The following CFAP47 variants were observed in gnomAD, a reference collection of about 807,000 sequenced individuals.
The protein encoded by CFAP47 is cilia and flagella associated protein 47, also known as cilia- and flagella-associated protein 47.
CFAP47 carries 29 observed loss-of-function variants against 148.1 expected under a neutral mutation model. The observed-to-expected ratio is 0.20, with a 90% CI of 0.15 to 0.27. The LOEUF (loss-of-function observed/expected upper bound fraction) is 0.27, where lower values mean the gene tolerates loss of function less well. Ranked by LOEUF, CFAP47 falls within the 10% of genes least tolerant of loss-of-function variation. The probability of loss-of-function intolerance (pLI) is 1.00; values close to 1 mark genes in which losing one functional copy is unlikely to be tolerated. For synonymous variants in CFAP47, 664 were observed against 577.3 expected (o/e 1.15, Z -2.15); for missense variants, 1,872 against 1,697.5 (o/e 1.10, Z -1.81).
In CFAP47 at chrX:36,275,592, G is replaced by T. The variant is rs182422011; in HGVS notation, c.7445-4895G>T. On this transcript the variant is annotated intron_variant, in intron 49 of 63. Transcript: ENST00000378653. ...TTTACTATGTTGCTGAATTCAGTAT[G>T]CCAGTGTTTTGTTGAGGATTTCTGC... is the stretch of plus-strand genomic sequence containing the variant. Among the ~76,000 whole-genome samples the T allele has an allele frequency of 6.4e-3, 704 of 110,794 alleles. 1 individual carries two copies. Among genetic ancestry groups the T allele is most frequent in the African/African-American group, 0.022 (676 of 30,416 alleles).
chrX:36,368,057 A>G (rs968149108), intron 62 of CFAP47: 2 of 111,345 alleles, frequency 1.8e-5, no homozygotes, highest in Non-Finnish European at 3.8e-5. Flanking sequence ...GCAAGGCTTT[A>G]TAGATAGGAT....
chrX:35,970,436 C>A lies in CFAP47; in HGVS notation c.1815-332C>A, dbSNP rs768205977. Among the ~76,000 whole-genome samples, 10 of 111,091 alleles carry A rather than the reference C, an allele frequency of 9.0e-5. No homozygotes were observed. The South Asian group carries it at 3.8e-3, about 42-fold the overall frequency. The stretch of plus-strand genomic sequence containing the variant: ...TAGGAAACACTAGTCAGATACAGAT[C>A]TAGTTTCTTGGAGTCTTGTCTGTAA... On this transcript the variant is annotated intron_variant, in intron 10 of 63. Coordinates refer to ENST00000378653, the MANE Select transcript of CFAP47 (RefSeq NM_001304548.2).
At chrX:36,320,609 T>TA (rs1556011855) in intron 57 of CFAP47, among the ~76,000 whole-genome samples, 1 of 112,237 alleles carries the variant, frequency 8.9e-6, no homozygotes, top group Admixed American at 9.5e-5. Flanking sequence ...TGCAATGCAT[T>TA]AAAAAGAGTA....
At position 36,073,285 on chromosome X, in the gene CFAP47, A is replaced by G; in HGVS notation, c.4612A>G (p.Asn1538Asp). 1 of 1,210,376 alleles carries G rather than the reference A, an allele frequency of 8.3e-7. No homozygotes were observed. The highest frequency in any genetic ancestry group is 1.8e-5 in the South Asian group (1 of 56,919). ...ACACTACTTTTTTGAGAAGGTTGTA[A>G]ATGCAGCACAGACCTGGTTCAGTCT... ...KAHYFFEKVV[N>D]AAQTWFSLFG... Residue 1538 changes from asparagine (N) to aspartate (D), a missense_variant, in exon 29 of 64, where the codon AAT becomes GAT. By Grantham distance (23) the Asn-to-Asp change is conservative. Coordinates refer to ENST00000378653, the MANE Select transcript of CFAP47 (RefSeq NM_001304548.2).
intron 30 of CFAP47, among the ~76,000 whole-genome samples, chrX:36,092,153 A>C (rs979932420): frequency 6.3e-4 from 70 of 111,799 alleles, no homozygotes; most frequent in Non-Finnish European, 3.6e-4. Flanking sequence ...AAATATGTAC[A>C]TACATAGGCT....
At chrX:36,264,074 GA>G (rs1224633780) in intron 49 of CFAP47, among the ~76,000 whole-genome samples, 1 of 112,004 alleles carries the variant, frequency 8.9e-6, no homozygotes, top group Non-Finnish European at 1.9e-5. Flanking sequence ...CTAGGGCCTA[GA>G]ATGGGATCCT....
chrX:36,099,697 A>G (rs1938340369), intron 31 of CFAP47, 54 bp from the exon 32 acceptor site: 3 of 541,553 alleles, frequency 5.5e-6, no homozygotes, highest in Non-Finnish European at 9.0e-6. Context: ...AAAAACTCAT[A>G]TGCTAAATTT....
chrX:36,255,847 A>G (rs1288644457), intron 49 of CFAP47, among the ~76,000 whole-genome samples: 2 of 111,571 alleles, frequency 1.8e-5, no homozygotes, highest in Non-Finnish European at 3.8e-5. Context: ...GCCTAGTTCT[A>G]TCTCGACTTC....
intron 27 of CFAP47, among the ~76,000 whole-genome samples, chrX:36,068,955 TAAAAAAA>T (rs113537853): frequency 1.1e-5 from 1 of 87,182 alleles, no homozygotes; most frequent in Non-Finnish European, 2.3e-5. Context: ...ACTCCTCAAT[TAAAAAAA>T]AAAAAAAAAG....
At chrX:35,975,409 T>G in intron 14 of CFAP47, 46 bp downstream of exon 14, 1 of 817,763 alleles carries the variant, frequency 1.2e-6, no homozygotes, top group Non-Finnish European at 1.8e-6. Flanking sequence ...CAAAGTGTAC[T>G]TCTGTAGAAT....
At chrX:36,127,487 G>A (rs1008660734) in intron 33 of CFAP47, among the ~76,000 whole-genome samples, 1 of 111,394 alleles carries the variant, frequency 9.0e-6, no homozygotes, top group East Asian at 2.8e-4. Context: ...TGCTGTTTTG[G>A]TTACTGCAGC....
rs184880858 is a variant in CFAP47, at chrX:36,369,254, A to T, written c.9185+2127A>T. 6.4e-3 allele frequency among the ~76,000 whole-genome samples: 703 copies of T among 110,642 alleles called. 6 individuals are homozygous for T. Among genetic ancestry groups the T allele is most frequent in the Admixed American group, 0.025 (257 of 10,260 alleles). On this transcript the variant is annotated intron_variant, in intron 62 of 63. Transcript: ENST00000378653. ...GTATGAAAAACACATTCAAAATATA[A>T]AAAAAAACAAACTCTGACTCTTCTG... is the stretch of plus-strand genomic sequence containing the variant.
intron 22 of CFAP47, among the ~76,000 whole-genome samples, chrX:36,030,025 C>G (rs1937263266): frequency 9.1e-6 from 1 of 109,986 alleles, no homozygotes; most frequent in South Asian, 3.7e-4. Context: ...TTATTTCTTC[C>G]TTTATGTCTC....
chrX:36,005,604 T>C, intron 21 of CFAP47, among the ~76,000 whole-genome samples: 1 of 112,026 alleles, frequency 8.9e-6, no homozygotes, highest in Non-Finnish European at 1.9e-5. Flanking sequence ...ATGTAGGTTA[T>C]TTAACTATGT....
intron 30 of CFAP47, among the ~76,000 whole-genome samples, chrX:36,095,282 T>C (rs1468959034): frequency 9.0e-6 from 1 of 111,673 alleles, no homozygotes; most frequent in Non-Finnish European, 1.9e-5. Context: ...TTGCTGAATT[T>C]GGTTTGCTAA....
At chrX:36,267,518 G>A (rs1340057257) in intron 49 of CFAP47, among the ~76,000 whole-genome samples, 1 of 91,668 alleles carries the variant, frequency 1.1e-5, no homozygotes, top group African/African-American at 4.2e-5. Flanking sequence ...TTGCTCTGTT[G>A]CCCAGGTTGG....
chrX:35,942,853 A>G (rs1216749747), intron 3 of CFAP47, among the ~76,000 whole-genome samples: 1 of 111,999 alleles, frequency 8.9e-6, no homozygotes, highest in African/African-American at 3.2e-5. Flanking sequence ...TGTTTTAGGA[A>G]AAATACTGCG....
intron 60 of CFAP47, among the ~76,000 whole-genome samples, chrX:36,357,944 G>A (rs1202501917): frequency 9.0e-6 from 1 of 111,175 alleles, no homozygotes; most frequent in Non-Finnish European, 1.9e-5. Flanking sequence ...TGACATATGT[G>A]TCTCATTTCA....
intron 33 of CFAP47, among the ~76,000 whole-genome samples, chrX:36,114,964 G>C (rs1362703428): frequency 8.9e-6 from 1 of 112,056 alleles, no homozygotes; most frequent in Non-Finnish European, 1.9e-5. Flanking sequence ...TGGAGTGCAA[G>C]GAGGCCCCTA....
Sources: gnomAD v4.1 joint callset for allele counts (sites outside exome capture counted in the v4.1 genomes callset) on GRCh38, gnomAD v4.1.1 for gene constraint, MANE v1.5 for transcripts, NCBI Gene and HGNC (gene_info 2026-07-23, HGNC 2026-07-21) for gene names.